The following GLRA3 variants were observed in gnomAD, a reference collection of about 807,000 sequenced individuals.
GLRA3 encodes the protein glycine receptor subunit alpha-3.
In GLRA3, 44 loss-of-function variants were observed where a neutral mutation model predicts 60.4. The ratio of observed to expected loss-of-function variants is 0.73; its 90% CI spans 0.57 to 0.94. The LOEUF is 0.94. GLRA3 is among the 40% of genes least tolerant of loss of function. The pLI, the probability that GLRA3 is intolerant of heterozygous loss-of-function variation, is 0.00. For missense variants in GLRA3, 508 were observed against 564.6 expected (o/e 0.90, Z 1.02); for synonymous variants, 223 against 192.9 (o/e 1.16, Z -1.29).
chr4:174,822,753 C>T (rs547648099), intron 1 of GLRA3, among the ~76,000 whole-genome samples: 3 of 152,272 alleles, frequency 2.0e-5, no homozygotes, highest in South Asian at 2.1e-4. Context: ...AATTCTTCAT[C>T]GCTTACATCG....
chr4:174,696,163 T>C (rs4596219), intron 5 of GLRA3, among the ~76,000 whole-genome samples: 89,324 of 151,638 alleles, frequency 0.59, 26,603 homozygotes, highest in South Asian at 0.67. Flanking sequence ...AAAAAAATGA[T>C]GCTTTAAATT....
chr4:174,652,908 G>C (rs910248202), intron 9 of GLRA3, among the ~76,000 whole-genome samples: 6 of 152,066 alleles, frequency 3.9e-5, no homozygotes, highest in African/African-American at 1.4e-4. Flanking sequence ...TATTGCTATT[G>C]AGTGTGAACA....
chr4:174,777,918 A>T (rs1229887552), intron 2 of GLRA3, among the ~76,000 whole-genome samples: 2 of 152,116 alleles, frequency 1.3e-5, no homozygotes, highest in Admixed American at 1.3e-4. Context: ...ATATATAAGC[A>T]TTACTCCTGT....
chr4:174,682,256 G>A (rs769120076), intron 6 of GLRA3, among the ~76,000 whole-genome samples: 3 of 152,088 alleles, frequency 2.0e-5, no homozygotes, highest in Non-Finnish European at 2.9e-5. Context: ...AGAATTTGCC[G>A]ATGTACAAAT....
chr4:174,704,178 C>T (rs1735431439), intron 5 of GLRA3, among the ~76,000 whole-genome samples: 1 of 142,450 alleles, frequency 7.0e-6, no homozygotes, highest in Admixed American at 7.3e-5. Context: ...GTCTGTAGTC[C>T]CAGCTACTTG....
At position 174,656,735 on chromosome 4, in the gene GLRA3, C is replaced by T. The variant is rs199604988; in HGVS notation, c.1116+8G>A. The T allele has an allele frequency of 2.4e-4, 357 of 1,513,220 alleles. No homozygotes were observed. Among genetic ancestry groups the T allele is most frequent in the Non-Finnish European group, 3.2e-4 (343 of 1,088,702 alleles). 93.7% of individuals were successfully genotyped at this position (1,513,220 alleles called of 1,614,324 possible). A position where few individuals can be genotyped will look rare whatever the true frequency, so the allele number is the denominator to read the frequency against. ...TTCCTCTATTTAGAGTTAAGAAAGT[C>T]AATTTACCATATCTGAGAAACGGTA... On this transcript the variant is annotated splice_region_variant and intron_variant, in intron 9 of 9. Transcript: ENST00000274093.
chr4:174,752,867 T>C (rs1483488670), intron 3 of GLRA3, among the ~76,000 whole-genome samples: 1 of 152,124 alleles, frequency 6.6e-6, no homozygotes, highest in Non-Finnish European at 1.5e-5. Flanking sequence ...ATCTAGCCTC[T>C]GGAGTGTTGG....
At chr4:174,810,816 C>T (rs1262451400) in intron 1 of GLRA3, among the ~76,000 whole-genome samples, 1 of 152,118 alleles carries the variant, frequency 6.6e-6, no homozygotes, top group African/African-American at 2.4e-5. Flanking sequence ...CATTCTAAAT[C>T]CCTGTAGCAG....
intron 3 of GLRA3, among the ~76,000 whole-genome samples, chr4:174,749,717 C>T (rs1737389689): frequency 2.0e-5 from 3 of 151,934 alleles, no homozygotes; most frequent in Non-Finnish European, 4.4e-5. Flanking sequence ...GTCAGAGAAC[C>T]AGGGATTTTT....
intron 6 of GLRA3, among the ~76,000 whole-genome samples, chr4:174,681,374 T>C (rs1734334879): frequency 6.6e-6 from 1 of 152,206 alleles, no homozygotes; most frequent in Non-Finnish European, 1.5e-5. Context: ...GAATGTGAAC[T>C]GACTTGAAAA....
chr4:174,764,732 CAACTT>C (rs1172688370), intron 3 of GLRA3, among the ~76,000 whole-genome samples: 1 of 151,684 alleles, frequency 6.6e-6, no homozygotes, highest in Non-Finnish European at 1.5e-5. Context: ...TAAAATACAA[CAACTT>C]AACCAAGTGG....
intron 4 of GLRA3, among the ~76,000 whole-genome samples, chr4:174,715,800 C>T (rs560439615): frequency 1.3e-5 from 2 of 152,158 alleles, no homozygotes; most frequent in African/African-American, 2.4e-5. Flanking sequence ...CTAAAGTAAT[C>T]GTGGGTTTTG....
chr4:174,678,601 T>TA (rs1734219076), intron 6 of GLRA3, among the ~76,000 whole-genome samples: 1 of 152,198 alleles, frequency 6.6e-6, no homozygotes, highest in East Asian at 1.9e-4. Context: ...AACCCATGCA[T>TA]GTGTTTCCAG....
chr4:174,708,802 C>T (rs1735607025), intron 5 of GLRA3, among the ~76,000 whole-genome samples: 1 of 145,272 alleles, frequency 6.9e-6, no homozygotes, highest in South Asian at 2.2e-4. Context: ...TTAAAAAAAT[C>T]CTTCCTGGCT....
chr4:174,734,654 C>T (rs944182099), intron 3 of GLRA3, among the ~76,000 whole-genome samples: 4 of 152,070 alleles, frequency 2.6e-5, no homozygotes, highest in Non-Finnish European at 5.9e-5. Context: ...TGGAAACATG[C>T]AATTAAGAGG....
In GLRA3 at chr4:174,815,434, G is replaced by A. The variant is rs548807202; in HGVS notation, c.71+13307C>T. ...TAGGTGATGTCTCAGTAGGGACTCT[G>A]CGTGGGGGCTCCCACTTCACATTTC... On this transcript the variant is annotated intron_variant, in intron 1 of 9. Coordinates refer to ENST00000274093, the MANE Select transcript of GLRA3 (RefSeq NM_006529.4). Among the ~76,000 whole-genome samples the A allele has an allele frequency of 2.7e-3, 416 of 152,326 alleles. 3 individuals carry two copies. The highest frequency in any genetic ancestry group is 9.4e-3 in the African/African-American group (390 of 41,572).
At chr4:174,793,913 T>C (rs1474738336) in intron 1 of GLRA3, among the ~76,000 whole-genome samples, 1 of 151,914 alleles carries the variant, frequency 6.6e-6, no homozygotes, top group Non-Finnish European at 1.5e-5. Context: ...TTAATTAAGA[T>C]TAAATCTTAA....
Position 174,797,103 on chromosome 4 carries a change from CA to C in GLRA3, c.72-8161del, listed in dbSNP as rs201104142. Among the ~76,000 whole-genome samples, 1,414 of 152,182 alleles carry C rather than the reference CA, an allele frequency of 9.3e-3. 6 individuals carry two copies. Among genetic ancestry groups the C allele is most frequent in the Middle Eastern group, 0.014 (4 of 294 alleles). On this transcript the variant is annotated intron_variant, in intron 1 of 9. Transcript: ENST00000274093. The stretch of plus-strand genomic sequence containing the variant: ...CCCACATCATTTGTACACACATATT[CA>C]AAAACTTTTTTTAAGTTTTTTAAAA...
At chr4:174,817,248 A>G (rs901932583) in intron 1 of GLRA3, among the ~76,000 whole-genome samples, 12 of 152,216 alleles carry the variant, frequency 7.9e-5, no homozygotes, top group African/African-American at 2.9e-4. Flanking sequence ...TGATGGCTAA[A>G]AAGAAGCCAG....
Sources: gnomAD v4.1 joint callset for allele counts (sites outside exome capture counted in the v4.1 genomes callset) on GRCh38, gnomAD v4.1.1 for gene constraint, MANE v1.5 for transcripts, NCBI Gene and HGNC (gene_info 2026-07-23, HGNC 2026-07-21) for gene names.